The following RAB23 variants were observed in gnomAD, a reference collection of about 807,000 sequenced individuals.
The protein encoded by RAB23 is RAB23, member RAS oncogene family.
Under a neutral mutation model 30.0 loss-of-function variants are expected in RAB23, and 15 were observed. The ratio of observed to expected loss-of-function variants is 0.50; its 90% CI spans 0.33 to 0.77. The LOEUF (loss-of-function observed/expected upper bound fraction) is 0.77. Ranked by LOEUF, RAB23 falls within the 30% of genes least tolerant of loss-of-function variation. RAB23 has a pLI of 0.02. For missense variants in RAB23, 243 were observed against 275.4 expected, an observed-to-expected ratio of 0.88 and a Z score of 0.83; for synonymous variants, 93 against 94.0, an observed-to-expected ratio of 0.99 and a Z score of 0.06.
intron 6 of RAB23, among the ~76,000 whole-genome samples, chr6:57,191,006 T>A (rs1041334038): frequency 6.6e-6 from 1 of 152,234 alleles, no homozygotes. Context: ...TCATTTAGCA[T>A]AATGTCTTCA....
chr6:57,190,318 T>C lies in RAB23; in HGVS notation c.*143A>G. 1 of 980,188 alleles carries C rather than the reference T, an allele frequency of 1.0e-6. No individual in the cohort carries two copies. Among genetic ancestry groups the C allele is most frequent in the Non-Finnish European group, 1.6e-6 (1 of 633,016 alleles). The allele number at this position is 980,188 out of a possible 1,614,324, so 60.7% of individuals were successfully genotyped here. A position where few individuals can be genotyped will look rare whatever the true frequency, so the allele number is the denominator to read the frequency against. ...TCTCACTCTACATTCTGAAAAGCAC[T>C]GCAGAGCAATATTTAAGTCTGTCAC... On this transcript the variant is annotated 3_prime_UTR_variant, in exon 7 of 7. Coordinates refer to ENST00000468148, the MANE Select transcript of RAB23 (RefSeq NM_016277.5).
intron 2 of RAB23, among the ~76,000 whole-genome samples, chr6:57,208,598 G>C (rs1765530867): frequency 7.7e-6 from 1 of 129,962 alleles, no homozygotes; most frequent in African/African-American, 3.0e-5. Context: ...CTGCAGTCCA[G>C]CCTGGGAGAC....
chr6:57,203,861 T>C (rs1765357051), intron 3 of RAB23, among the ~76,000 whole-genome samples: 1 of 152,134 alleles, frequency 6.6e-6, no homozygotes, highest in East Asian at 1.9e-4. Flanking sequence ...CCAAAGCTAC[T>C]GTGGACGGGA....
In RAB23 at chr6:57,193,129, A is replaced by G. The variant is rs964582410; in HGVS notation, c.574+713T>C. ...AGATCACACCAGGTAGAGGCTTATT[A>G]TAAGTGTCTTGTGTTCACAAAGCAT... On this transcript the variant is annotated intron_variant, in intron 6 of 6. Coordinates refer to ENST00000468148, the MANE Select transcript of RAB23 (RefSeq NM_016277.5). Among the ~76,000 whole-genome samples, 7 of 152,310 alleles carry G rather than the reference A, an allele frequency of 4.6e-5. No individual in the cohort carries two copies. In the East Asian group the frequency reaches 5.8e-4, roughly 13 times the overall value.
intron 4 of RAB23, among the ~76,000 whole-genome samples, chr6:57,195,494 C>G (rs996292660): frequency 6.6e-6 from 1 of 152,074 alleles, no homozygotes; most frequent in Non-Finnish European, 1.5e-5. Flanking sequence ...CTTGTGTAGT[C>G]TCCTCCCACA....
chr6:57,213,693 CA>C (rs1233514721), intron 1 of RAB23, among the ~76,000 whole-genome samples: 1 of 151,494 alleles, frequency 6.6e-6, no homozygotes, highest in African/African-American at 2.4e-5. Flanking sequence ...TTGAAAAGTG[CA>C]AAGGTACCAC....
chr6:57,218,485 T>C (rs578259204), intron 1 of RAB23, among the ~76,000 whole-genome samples: 2 of 152,108 alleles, frequency 1.3e-5, no homozygotes, highest in Non-Finnish European at 1.5e-5. Flanking sequence ...AGAAGAAATA[T>C]TGACAAAATT....
chr6:57,198,895 G>T (rs1483515178), intron 3 of RAB23, among the ~76,000 whole-genome samples: 1 of 152,122 alleles, frequency 6.6e-6, no homozygotes. Flanking sequence ...CGGGCAGTAA[G>T]AATGATTAAG....
At chr6:57,219,230 T>C (rs1765962472) in intron 1 of RAB23, among the ~76,000 whole-genome samples, 1 of 152,182 alleles carries the variant, frequency 6.6e-6, no homozygotes, top group South Asian at 2.1e-4. Context: ...TAGAATGAGA[T>C]TTACAATAGC....
rs1764790940 is a variant in RAB23 at position 57,190,344 on chromosome 6, T to C, written c.*117A>G. The C allele has an allele frequency of 4.0e-6, 5 of 1,237,434 alleles. No individual in the cohort carries two copies. The highest frequency in any genetic ancestry group is 4.7e-6 in the Non-Finnish European group (4 of 847,994). The allele number at this position is 1,237,434 out of a possible 1,614,324, so 76.7% of individuals were successfully genotyped here. The stretch of plus-strand genomic sequence containing the variant: ...GCAGAGCAATATTTAAGTCTGTCAC[T>C]TTCAGAGAGCCATTAGGAGCAAAGT... On this transcript the variant is annotated 3_prime_UTR_variant, in exon 7 of 7. Transcript: ENST00000468148.
In RAB23 at chr6:57,210,256, A is replaced by G. The variant is rs778289288; in HGVS notation, c.125T>C (p.Ile42Thr). 7 of 1,614,054 alleles carry G rather than the reference A, an allele frequency of 4.3e-6. No individual in the cohort carries two copies. Among genetic ancestry groups the G allele is most frequent in the Non-Finnish European group, 5.1e-6 (6 of 1,179,940 alleles). Residue 42 changes from isoleucine to threonine, a missense_variant, in exon 2 of 7, where the codon ATT (isoleucine) becomes ACT (threonine). Coordinates refer to ENST00000468148, the MANE Select transcript of RAB23 (RefSeq NM_016277.5). The part of the protein sequence containing the change: ...GIFTKDYKKT[I>T]GVDFLERQIQ... ...TTGTCGCTCCAAAAAATCAACTCCA[A>G]TGGTTTTCTTGTAGTCTTTTGTAAA...
intron 5 of RAB23, 96 bp from the exon 6 acceptor site, chr6:57,194,030 A>C (rs1764934942): frequency 2.0e-6 from 3 of 1,500,810 alleles, no homozygotes; most frequent in Non-Finnish European, 2.7e-6. Context: ...TTACTAAACA[A>C]ATTTAAAGTT....
rs2127994478 is a variant in RAB23 at position 57,187,270 on chromosome 6, A to G, written c.*3191T>C. 1 of 152,332 alleles carries G rather than the reference A, an allele frequency of 6.6e-6. No individual in the cohort carries two copies. Among genetic ancestry groups the G allele is most frequent in the African/African-American group, 2.4e-5 (1 of 41,578 alleles). 9.4% of individuals were successfully genotyped at this position (152,332 alleles called of 1,614,324 possible). A position where few individuals can be genotyped will look rare whatever the true frequency, so the allele number is the denominator to read the frequency against. On this transcript the variant is annotated 3_prime_UTR_variant, in exon 7 of 7. Transcript: ENST00000468148. ...AGAGACAGATGAAAATAATAATAATAAAGATTATTATAGCCAAATCATCCA... is the reference window on the plus strand; with the variant it reads ...AGAGACAGATGAAAATAATAATAATGAAGATTATTATAGCCAAATCATCCA...
At chr6:57,215,779 ATGTT>A (rs1000519579) in intron 1 of RAB23, among the ~76,000 whole-genome samples, 15 of 152,236 alleles carry the variant, frequency 9.9e-5, no homozygotes, top group Non-Finnish European at 1.0e-4. Context: ...GTTCTAAACT[ATGTT>A]TGATAGTTGA....
chr6:57,207,344 G>A (rs1250146494), intron 3 of RAB23, among the ~76,000 whole-genome samples: 3 of 152,012 alleles, frequency 2.0e-5, no homozygotes, highest in African/African-American at 7.3e-5. Flanking sequence ...ATTTTCTTGG[G>A]GTCAAAGTAG....
chr6:57,209,872 G>A (rs1020118994), intron 2 of RAB23, among the ~76,000 whole-genome samples: 5 of 152,104 alleles, frequency 3.3e-5, no homozygotes, highest in African/African-American at 1.2e-4. Flanking sequence ...ATAAAAACGA[G>A]CCCATAATAT....
At chr6:57,199,639 G>GA (rs1336881218) in intron 3 of RAB23, among the ~76,000 whole-genome samples, 1 of 152,104 alleles carries the variant, frequency 6.6e-6, no homozygotes, top group African/African-American at 2.4e-5. Flanking sequence ...TCTGAAATAA[G>GA]ATCGCAAAAA....
intron 2 of RAB23, among the ~76,000 whole-genome samples, chr6:57,209,250 C>T (rs1189691210): frequency 1.3e-5 from 2 of 152,102 alleles, no homozygotes; most frequent in African/African-American, 4.8e-5. Flanking sequence ...TATATATGTC[C>T]ACAAATGACC....
At chr6:57,193,789 G>A in intron 6 of RAB23, 53 bp downstream of exon 6, 1 of 1,592,400 alleles carries the variant, frequency 6.3e-7, no homozygotes, top group Non-Finnish European at 8.6e-7. Flanking sequence ...CATATTATAT[G>A]TGTTTTTTAA....
Sources: allele counts gnomAD v4.1 joint callset (sites outside exome capture counted in the v4.1 genomes callset), GRCh38; gene constraint gnomAD v4.1.1; transcripts MANE v1.5; gene names NCBI Gene and HGNC (gene_info 2026-07-23, HGNC 2026-07-21).